Variants in CSMD1 observed in about 807,000 individuals in gnomAD.
CSMD1 encodes the protein CUB and Sushi multiple domains 1.
In CSMD1, 213 loss-of-function variants were observed where a neutral mutation model predicts 417.5. That is an observed-to-expected ratio of 0.51 (90% CI 0.46 to 0.57). The LOEUF is 0.57. CSMD1 is among the 20% of genes least tolerant of loss of function. The pLI is 0.00. For missense variants in CSMD1, 6,923 were observed against 4,529.7 expected (o/e 1.53, Z -15.17); for synonymous variants, 2,862 against 1,736.8 (o/e 1.65, Z -16.11).
chr8:3,942,068 G>A (rs893122710), intron 5 of CSMD1, among the ~76,000 whole-genome samples: 21 of 151,840 alleles, frequency 1.4e-4, no homozygotes, highest in Non-Finnish European at 1.5e-5. Context: ...GGCATGCAAG[G>A]GATCTAGGTT....
intron 37 of CSMD1, among the ~76,000 whole-genome samples, chr8:3,179,139 G>GT (rs1821137596): frequency 6.6e-6 from 1 of 151,046 alleles, no homozygotes; most frequent in Non-Finnish European, 1.5e-5. Flanking sequence ...TAGATACGGG[G>GT]TTTCAACGTG....
chr8:4,384,710 G>T (rs1803331338), intron 3 of CSMD1, among the ~76,000 whole-genome samples: 1 of 152,040 alleles, frequency 6.6e-6, no homozygotes, highest in African/African-American at 2.4e-5. Flanking sequence ...CAGGGCCAAG[G>T]CACGTGCACA....
At chr8:3,341,214 G>A (rs1807620822) in intron 23 of CSMD1, among the ~76,000 whole-genome samples, 1 of 152,096 alleles carries the variant, frequency 6.6e-6, no homozygotes, top group Admixed American at 6.5e-5. Context: ...CATCAACATG[G>A]AACAAGCCGA....
At chr8:4,813,657 C>A (rs369305798) in intron 1 of CSMD1, among the ~76,000 whole-genome samples, 28 of 152,120 alleles carry the variant, frequency 1.8e-4, no homozygotes, top group African/African-American at 6.3e-4. Context: ...TCAATTTACA[C>A]GTTGCAAGAG....
chr8:4,871,365 T>A (rs764411936), intron 1 of CSMD1, among the ~76,000 whole-genome samples: 20 of 152,098 alleles, frequency 1.3e-4, no homozygotes, highest in Non-Finnish European at 1.5e-4. Flanking sequence ...ATAAATGGCA[T>A]TTCCAAAGCC....
intron 3 of CSMD1, among the ~76,000 whole-genome samples, chr8:4,164,649 A>C (rs552195117): frequency 6.6e-6 from 1 of 152,180 alleles, no homozygotes; most frequent in Admixed American, 6.5e-5. Context: ...AGTCCCTCAC[A>C]CAAGACACGA....
chr8:3,435,621 C>G (rs7018325), intron 12 of CSMD1, among the ~76,000 whole-genome samples: 17,284 of 152,180 alleles, frequency 0.11, 1,013 homozygotes, highest in Middle Eastern at 0.16. Context: ...ACCTTGATGA[C>G]TATGAGCTGT....
At chr8:4,439,463 A>G (rs1255711865) in intron 2 of CSMD1, among the ~76,000 whole-genome samples, 1 of 152,070 alleles carries the variant, frequency 6.6e-6, no homozygotes, top group Non-Finnish European at 1.5e-5. Flanking sequence ...TAACATTCTT[A>G]TGTTTTCCTA....
chr8:3,568,616 T>C (rs779383329), intron 10 of CSMD1, among the ~76,000 whole-genome samples: 42 of 152,152 alleles, frequency 2.8e-4, no homozygotes, highest in Non-Finnish European at 4.6e-4. Flanking sequence ...TATCTTTATA[T>C]GTATTTGAGA....
intron 40 of CSMD1, among the ~76,000 whole-genome samples, chr8:3,148,972 G>A (rs938101982): frequency 1.3e-5 from 2 of 152,174 alleles, no homozygotes; most frequent in African/African-American, 4.8e-5. Context: ...TTTGATTTGA[G>A]ATAAAGTTTC....
chr8:4,642,307 T>C (rs1178811812), intron 1 of CSMD1, among the ~76,000 whole-genome samples: 1 of 152,172 alleles, frequency 6.6e-6, no homozygotes, highest in African/African-American at 2.4e-5. Flanking sequence ...TGAAAGCCTG[T>C]CTCAGAAACA....
chr8:3,840,291 C>T (rs535902243), intron 5 of CSMD1, among the ~76,000 whole-genome samples: 4 of 152,050 alleles, frequency 2.6e-5, no homozygotes, highest in East Asian at 1.9e-4. Context: ...GCAAAGCTCA[C>T]GCAGGAGGCT....
intron 8 of CSMD1, among the ~76,000 whole-genome samples, chr8:3,587,817 T>G (rs1055062125): frequency 6.6e-6 from 1 of 152,154 alleles, no homozygotes; most frequent in Non-Finnish European, 1.5e-5. Context: ...TTTTCCAGAT[T>G]TATCTGTCTA....
chr8:4,029,839 G>T (rs894471693), intron 4 of CSMD1, among the ~76,000 whole-genome samples: 1 of 152,062 alleles, frequency 6.6e-6, no homozygotes, highest in Non-Finnish European at 1.5e-5. Flanking sequence ...TTACTTCCTA[G>T]ACAAATGCAG....
At chr8:3,954,757 T>C (rs1483376420) in intron 5 of CSMD1, among the ~76,000 whole-genome samples, 1 of 151,694 alleles carries the variant, frequency 6.6e-6, no homozygotes, top group Non-Finnish European at 1.5e-5. Context: ...CCCTCAGAAC[T>C]GAGCATGCGT....
At chr8:4,477,593 C>G (rs1015174771) in intron 2 of CSMD1, among the ~76,000 whole-genome samples, 2 of 151,952 alleles carry the variant, frequency 1.3e-5, no homozygotes, top group Non-Finnish European at 2.9e-5. Flanking sequence ...TTGAGAAGTT[C>G]CTATTTAAAC....
chr8:2,966,830 T>C, intron 57 of CSMD1, 84 bp from the exon 58 acceptor site: 1 of 1,217,064 alleles, frequency 8.2e-7, no homozygotes. Context: ...TGGGTATCAG[T>C]GCAATAGACT....
At chr8:3,622,442 T>A (rs2449226) in intron 7 of CSMD1, among the ~76,000 whole-genome samples, 3 of 152,150 alleles carry the variant, frequency 2.0e-5, no homozygotes, top group East Asian at 3.9e-4. Flanking sequence ...CTTGCATGTC[T>A]CCTTTTCTAT....
intron 2 of CSMD1, among the ~76,000 whole-genome samples, chr8:4,426,061 C>T (rs534511639): frequency 3.3e-5 from 5 of 150,392 alleles, no homozygotes; most frequent in East Asian, 3.9e-4. Flanking sequence ...CTGAAGAAAA[C>T]TGGCCATAAA....
Sources: allele counts gnomAD v4.1 joint callset (sites outside exome capture counted in the v4.1 genomes callset), GRCh38; gene constraint gnomAD v4.1.1; transcripts MANE v1.5; gene names NCBI Gene and HGNC (gene_info 2026-07-23, HGNC 2026-07-21).